The following RBM4B variants were observed in gnomAD, a reference collection of about 807,000 sequenced individuals.
RBM4B encodes RNA-binding protein 4B.
RBM4B carries 13 observed loss-of-function variants against 28.5 expected under a neutral mutation model. The observed-to-expected ratio is 0.46, with a 90% confidence interval of 0.30 to 0.72. The LOEUF is 0.72. Among genes scored for constraint, RBM4B ranks in the 30% least tolerant of loss-of-function variants. The pLI, the probability that RBM4B is intolerant of heterozygous loss-of-function variation, is 0.09. For missense variants in RBM4B, 387 were observed against 477.6 expected (o/e 0.81, Z 1.77); for synonymous variants, 167 against 179.1 (o/e 0.93, Z 0.54).
At chr11:66,667,390 TTATC>T (rs879850573) in intron 3 of RBM4B, 8 of 152,292 alleles carry the variant, frequency 5.3e-5, no homozygotes, top group East Asian at 1.9e-4. Flanking sequence ...AATTACCAGT[TTATC>T]TAACTCCTTA....
chr11:66,672,400 ACTGT>A lies in RBM4B; in HGVS notation c.413-3113_413-3110del, dbSNP rs1453855323. On this transcript the variant is annotated intron_variant, in intron 2 of 3. Coordinates refer to ENST00000310046, the MANE Select transcript of RBM4B (RefSeq NM_031492.4). The stretch of plus-strand genomic sequence containing the variant: ...ACTACAGCCTAGGCAATAGAGCAAG[ACTGT>A]CTAAAAAAAAAAAAAAAAAAAAAAA... 3.6e-4 allele frequency among the ~76,000 whole-genome samples: 41 copies of A among 112,898 alleles called. No individual in the cohort carries two copies. In the East Asian group the frequency reaches 0.011, roughly 31 times the overall value. The allele number at this position is 112,898 out of a possible 152,430, so 74.1% of individuals were successfully genotyped here. A position where few individuals can be genotyped will look rare whatever the true frequency, so the allele number is the denominator to read the frequency against.
chr11:66,675,946 A>G (rs185754205), intron 2 of RBM4B: 44 of 152,460 alleles, frequency 2.9e-4, no homozygotes, highest in African/African-American at 1.1e-3. Context: ...TAATGACAAC[A>G]TATGTACCTT....
At chr11:66,675,375 C>A (rs892218724) in intron 2 of RBM4B, among the ~76,000 whole-genome samples, 15 of 152,206 alleles carry the variant, frequency 9.9e-5, no homozygotes, top group African/African-American at 3.6e-4. Context: ...TGTCCAAGGT[C>A]ACACACTAGT....
Position 66,666,040 on chromosome 11 carries a change from A to C in RBM4B, c.*10-462T>G, listed in dbSNP as rs986170135. ...CTTTCACAGTAAACAAGCTTTCAGA[A>C]ATGATGGTCACAAGGGGTAGGATAT... On this transcript the variant is annotated intron_variant, in intron 3 of 3. Coordinates refer to ENST00000310046, the MANE Select transcript of RBM4B (RefSeq NM_031492.4). 3.2e-5 allele frequency: 41 copies of C among 1,288,570 alleles called. No homozygotes were observed. In the African/African-American group the frequency reaches 5.3e-4, roughly 17 times the overall value. 79.8% of individuals were successfully genotyped at this position (1,288,570 alleles called of 1,614,324 possible).
At chr11:66,667,218 CCA>C in intron 3 of RBM4B, 1 of 152,260 alleles carries the variant, frequency 6.6e-6, no homozygotes. Context: ...AGTCATAATG[CCA>C]TTTCCACTCA....
chr11:66,666,582 C>G (rs1228868137), intron 3 of RBM4B: 5 of 243,694 alleles, frequency 2.1e-5, no homozygotes, highest in African/African-American at 9.3e-5. Context: ...TTAAAATGTC[C>G]TAGCAATACC....
intron 3 of RBM4B, chr11:66,667,101 G>A (rs1050831397): frequency 3.3e-5 from 5 of 152,104 alleles, no homozygotes; most frequent in African/African-American, 1.2e-4. Flanking sequence ...AAAGGGATAA[G>A]TTAGGAACAC....
chr11:66,666,444 C>T (rs1223176805), intron 3 of RBM4B: 15 of 987,622 alleles, frequency 1.5e-5, no homozygotes, highest in African/African-American at 1.7e-5. Flanking sequence ...ACATCAGGCT[C>T]CTGGGACTGC....
intron 3 of RBM4B, chr11:66,666,882 G>A (rs763810275): frequency 6.6e-6 from 1 of 151,864 alleles, no homozygotes; most frequent in Admixed American, 6.6e-5. Context: ...TCACATAAAA[G>A]AGCAAATTGC....
Position 66,668,796 on chromosome 11 carries a change from CT to C in RBM4B, c.907del (p.Arg303GlyfsTer62). ...ATTSSYYGRD[R>X]SPLRRAAAML... ...GGCTGCAGCACGACGCAGTGGGCTC[CT>C]GTCCCTTCCATAGTAGGAGGAAGTG... On this transcript the variant is annotated frameshift_variant, in exon 3 of 4. Transcript: ENST00000310046. LOFTEE classifies it high-confidence loss of function. The C allele has an allele frequency of 6.2e-7, 1 of 1,614,236 alleles. No homozygotes were observed. The highest frequency in any genetic ancestry group is 8.5e-7 in the Non-Finnish European group (1 of 1,180,036).
chr11:66,673,747 C>G (rs143129320), intron 2 of RBM4B, among the ~76,000 whole-genome samples: 9 of 152,304 alleles, frequency 5.9e-5, no homozygotes, highest in African/African-American at 2.2e-4. Flanking sequence ...AGGAGTGAGC[C>G]ACCTCACCCG....
intron 2 of RBM4B, among the ~76,000 whole-genome samples, chr11:66,671,450 G>C (rs580850): frequency 0.99 from 150,560 of 152,318 alleles, 74,438 homozygotes; most frequent in East Asian, 1. Flanking sequence ...CAGACACAAA[G>C]TATACTCCAA....
rs539171629 is a variant in RBM4B at position 66,672,406 on chromosome 11, TA to T, written c.413-3116del. Among the ~76,000 whole-genome samples the T allele has an allele frequency of 8.8e-3, 518 of 59,014 alleles. 1 individual carries two copies. The highest frequency in any genetic ancestry group is 0.031 in the African/African-American group (403 of 13,076). The allele number at this position is 59,014 out of a possible 152,430, so 38.7% of individuals were successfully genotyped here. ...GCCTAGGCAATAGAGCAAGACTGTC[TA>T]AAAAAAAAAAAAAAAAAAAAAACCC... On this transcript the variant is annotated intron_variant, in intron 2 of 3. Coordinates refer to ENST00000310046, the MANE Select transcript of RBM4B (RefSeq NM_031492.4).
At chr11:66,676,353 C>T (rs145579798) in intron 2 of RBM4B, 37 of 497,736 alleles carry the variant, frequency 7.4e-5, no homozygotes, top group African/African-American at 6.7e-4. Context: ...ATCCTCCCTT[C>T]TCTCATGAGG....
At position 66,668,517 on chromosome 11, in the gene RBM4B, T is replaced by A. The variant is rs79574230; in HGVS notation, c.*9+98A>T. ...TGTAATTTGCACCTTTTGGATACTGTCCGGAGAGCACAGGTGGCTCTAGCC... is the reference window on the plus strand; with the variant it reads ...TGTAATTTGCACCTTTTGGATACTGACCGGAGAGCACAGGTGGCTCTAGCC... On this transcript the variant is annotated intron_variant, in intron 3 of 3. Transcript: ENST00000310046. 1.0e-4 allele frequency: 93 copies of A among 902,522 alleles called. No individual in the cohort carries two copies. The African/African-American group carries it at 1.5e-3, about 15-fold the overall frequency. 55.9% of individuals were successfully genotyped at this position (902,522 alleles called of 1,614,324 possible). A position where few individuals can be genotyped will look rare whatever the true frequency, so the allele number is the denominator to read the frequency against.
intron 3 of RBM4B, 93 bp from the exon 4 acceptor site, chr11:66,665,671 G>T: frequency 6.6e-7 from 1 of 1,515,784 alleles, no homozygotes; most frequent in South Asian, 1.2e-5. Flanking sequence ...CTGTATTCCG[G>T]GGGGAAAAAA....
In RBM4B at chr11:66,669,104, A is replaced by C. The variant is rs1939370798; in HGVS notation, c.600T>G (p.Pro200=). 10 of 1,614,148 alleles carry C rather than the reference A, an allele frequency of 6.2e-6. No homozygotes were observed. The highest frequency in any genetic ancestry group is 8.5e-6 in the Non-Finnish European group (10 of 1,180,034). ...TGGATTCCCCGTAGCCCATGGTGTA[A>C]GGTGTTCGAACTGCTCCATATTGTT... ...YNEQYGAVRT[P]YTMGYGESMY... The change falls in exon 3 of 4, where the codon CCT becomes CCG. Residue 200 remains proline, a synonymous_variant. Coordinates refer to ENST00000310046, the MANE Select transcript of RBM4B (RefSeq NM_031492.4).
At chr11:66,677,313 C>T in intron 1 of RBM4B, 1 of 585,318 alleles carries the variant, frequency 1.7e-6, no homozygotes, top group Non-Finnish European at 3.0e-6. Flanking sequence ...ATAGCCCAGT[C>T]TATCATCTCC....
chr11:66,677,212 A>G (rs1939667360), intron 1 of RBM4B, 121 bp from the exon 2 acceptor site: 8 of 1,236,200 alleles, frequency 6.5e-6, no homozygotes, highest in Non-Finnish European at 9.0e-6. Flanking sequence ...ACAGACATTC[A>G]TTATTCTTCC....
Sources: gnomAD v4.1 joint callset for allele counts (sites outside exome capture counted in the v4.1 genomes callset) on GRCh38, gnomAD v4.1.1 for gene constraint, MANE v1.5 for transcripts, NCBI Gene and HGNC (gene_info 2026-07-23, HGNC 2026-07-21) for gene names.